HSPA4L: variants seen among roughly 807,000 people sequenced by gnomAD.
HSPA4L encodes heat shock 70 kDa protein 4L.
In HSPA4L, 48 loss-of-function variants were observed where a neutral mutation model predicts 100.3. That is an observed-to-expected ratio of 0.48 (90% CI 0.38 to 0.61). The LOEUF is 0.61. HSPA4L is among the 20% of genes least tolerant of loss of function. The probability of loss-of-function intolerance (pLI) is 0.00; values close to 1 mark genes in which losing one functional copy is unlikely to be tolerated. For synonymous variants in HSPA4L, 319 were observed against 328.2 expected, an observed-to-expected ratio of 0.97 and a Z score of 0.30; for missense variants, 886 against 988.6, an observed-to-expected ratio of 0.90 and a Z score of 1.39.
intron 1 of HSPA4L, among the ~76,000 whole-genome samples, chr4:127,791,425 T>G (rs916469997): frequency 1.3e-5 from 2 of 152,228 alleles, no homozygotes; most frequent in African/African-American, 4.8e-5. Context: ...AAAGAGTCCC[T>G]GCATTCAAAC....
intron 11 of HSPA4L, among the ~76,000 whole-genome samples, chr4:127,810,597 A>C (rs1168049394): frequency 6.6e-6 from 1 of 152,084 alleles, no homozygotes; most frequent in East Asian, 1.9e-4. Context: ...ATCTGTACTA[A>C]AAATCAGAAA....
At chr4:127,784,691 T>A (rs1444514892) in intron 1 of HSPA4L, among the ~76,000 whole-genome samples, 2 of 152,256 alleles carry the variant, frequency 1.3e-5, no homozygotes, top group Non-Finnish European at 2.9e-5. Context: ...AGTGTAGTGC[T>A]CTTACACTAT....
rs181365352 is a variant in HSPA4L at position 127,823,573 on chromosome 4, C to G, written c.1995C>G (p.Asp665Glu). 5 of 1,613,626 alleles carry G rather than the reference C, an allele frequency of 3.1e-6. No homozygotes were observed. Among genetic ancestry groups the G allele is most frequent in the Non-Finnish European group, 3.4e-6 (4 of 1,179,626 alleles). The change falls in exon 16 of 19, where the codon GAC becomes GAG. Residue 665 changes from aspartate to glutamate, a missense_variant. Coordinates refer to ENST00000296464, the MANE Select transcript of HSPA4L (RefSeq NM_014278.4). ...ACACAGAAAATTGGCTTTATGAAGA[C>G]GGAGAGGACCAACCTAAACAAGTTT... is the stretch of plus-strand genomic sequence containing the variant. ...LEDTENWLYE[D>E]GEDQPKQVYV...
chr4:127,814,130 T>C (rs1423843549), intron 12 of HSPA4L, among the ~76,000 whole-genome samples: 3 of 152,162 alleles, frequency 2.0e-5, no homozygotes, highest in African/African-American at 7.2e-5. Flanking sequence ...CTTTAAAGGA[T>C]GATTTCTGTA....
chr4:127,809,158 C>T (rs1733455402), intron 11 of HSPA4L: 9 of 875,818 alleles, frequency 1.0e-5, no homozygotes, highest in Middle Eastern at 2.8e-4. Context: ...ATAATTGAAA[C>T]AAAATAGGAA....
chr4:127,820,401 A>G, intron 13 of HSPA4L, 27 bp from the exon 14 acceptor site: 2 of 1,558,066 alleles, frequency 1.3e-6, no homozygotes, highest in Admixed American at 2.2e-5. Flanking sequence ...AATTTTAGAA[A>G]TTTATACTTC....
intron 6 of HSPA4L, among the ~76,000 whole-genome samples, chr4:127,803,133 G>T (rs1371191115): frequency 6.6e-6 from 1 of 151,918 alleles, no homozygotes; most frequent in East Asian, 1.9e-4. Context: ...TTGTTTTTTT[G>T]TGTGTTTTGT....
intron 4 of HSPA4L, among the ~76,000 whole-genome samples, chr4:127,800,412 G>A (rs1165697791): frequency 6.6e-6 from 1 of 152,120 alleles, no homozygotes; most frequent in Non-Finnish European, 1.5e-5. Flanking sequence ...AAGCTGCAGT[G>A]AGCTATGATT....
chr4:127,789,438 A>C (rs1032673883), intron 1 of HSPA4L, among the ~76,000 whole-genome samples: 1 of 152,088 alleles, frequency 6.6e-6, no homozygotes, highest in African/African-American at 2.4e-5. Flanking sequence ...CAAGGTCAGG[A>C]GATCAAGACC....
intron 12 of HSPA4L, 28 bp downstream of exon 12, chr4:127,811,664 TTGTAA>T (rs776489325): frequency 1.2e-4 from 172 of 1,483,988 alleles, no homozygotes; most frequent in Admixed American, 2.9e-4. Context: ...CTCAATGTTC[TTGTAA>T]TAGATAGTGT....
upstream of HSPA4L, chr4:127,782,252 C>T (rs902206395): frequency 2.4e-6 from 1 of 412,612 alleles, no homozygotes; most frequent in Non-Finnish European, 4.5e-6. Context: ...CGGAGGCTCG[C>T]GCGCCTCCCG....
rs1396346902 is a variant in HSPA4L, at chr4:127,805,078, C to A, written c.991C>A (p.Gln331Lys). 2 of 1,589,830 alleles carry A rather than the reference C, an allele frequency of 1.3e-6. No homozygotes were observed. The highest frequency in any genetic ancestry group is 3.6e-5 in the Admixed American group (2 of 55,970). Reference sequence around the variant, plus strand: ...CAATTAAAAAAATTTTCCAGACTTACAACGTGAAGACATTAGTAGTATAGA... The same window carrying A: ...CAATTAAAAAAATTTTCCAGACTTAAAACGTGAAGACATTAGTAGTATAGA... Reference protein sequence around the residue: ...LKAVMEQANLQREDISSIEIV... With the variant: ...LKAVMEQANLKREDISSIEIV... The change falls in exon 9 of 19, where the codon CAA becomes AAA. Residue 331 changes from glutamine (Q) to lysine (K), a missense_variant. Coordinates refer to ENST00000296464, the MANE Select transcript of HSPA4L (RefSeq NM_014278.4).
At chr4:127,819,827 C>T (rs866123820) in intron 13 of HSPA4L, among the ~76,000 whole-genome samples, 4 of 152,108 alleles carry the variant, frequency 2.6e-5, no homozygotes, top group Non-Finnish European at 5.9e-5. Context: ...CCGAATAATA[C>T]GGCATTGTAT....
intron 2 of HSPA4L, among the ~76,000 whole-genome samples, chr4:127,795,256 A>AT (rs1393659791): frequency 4.6e-5 from 7 of 152,092 alleles, no homozygotes; most frequent in South Asian, 2.1e-4. Context: ...CAGATTCTGT[A>AT]TTTTTTCAGA....
chr4:127,818,449 C>A, intron 13 of HSPA4L, 29 bp downstream of exon 13: 2 of 1,371,222 alleles, frequency 1.5e-6, no homozygotes, highest in Non-Finnish European at 2.0e-6. Flanking sequence ...GTAGTTATGT[C>A]TTTTTGAAAT....
intron 12 of HSPA4L, 64 bp from the exon 13 acceptor site, chr4:127,818,261 G>A: frequency 8.9e-7 from 1 of 1,125,100 alleles, no homozygotes; most frequent in Non-Finnish European, 1.3e-6. Flanking sequence ...TTAAGATGCA[G>A]TTTACATTTT....
At chr4:127,786,756 C>T (rs1051325204) in intron 1 of HSPA4L, among the ~76,000 whole-genome samples, 34 of 152,170 alleles carry the variant, frequency 2.2e-4, no homozygotes, top group African/African-American at 7.2e-4. Flanking sequence ...CGTGAACCAA[C>T]GTGCCTGGCC....
Position 127,803,622 on chromosome 4 carries a change from TA to T in HSPA4L, c.664-4del. ...GAAAATACAGTTCTGCTTTTTCAAT[TA>T]AACAGGTCTTGGCTACTACCTTTGA... On this transcript the variant is annotated splice_polypyrimidine_tract_variant and splice_region_variant and intron_variant, in intron 6 of 18. Transcript: ENST00000296464. The T allele has an allele frequency of 6.4e-7, 1 of 1,569,874 alleles. No individual in the cohort carries two copies. The highest frequency in any genetic ancestry group is 8.6e-7 in the Non-Finnish European group (1 of 1,161,012).
At chr4:127,791,712 C>T (rs1212398729) in intron 1 of HSPA4L, among the ~76,000 whole-genome samples, 1 of 152,184 alleles carries the variant, frequency 6.6e-6, no homozygotes, top group East Asian at 1.9e-4. Flanking sequence ...ATATGATCTC[C>T]AACAAACTCT....
Sources: allele counts gnomAD v4.1 joint callset (sites outside exome capture counted in the v4.1 genomes callset), GRCh38; gene constraint gnomAD v4.1.1; transcripts MANE v1.5; gene names NCBI Gene and HGNC (gene_info 2026-07-23, HGNC 2026-07-21).